KALRN: variants seen among roughly 807,000 people sequenced by gnomAD.
KALRN encodes kalirin RhoGEF kinase.
KALRN carries 70 observed loss-of-function variants against 353.7 expected under a neutral mutation model. The ratio of observed to expected loss-of-function variants is 0.20; its 90% CI spans 0.16 to 0.24. KALRN has a LOEUF of 0.24. Among genes scored for constraint, KALRN ranks in the 10% least tolerant of loss-of-function variants. KALRN has a pLI of 1.00. For missense variants in KALRN, 2,791 were observed against 3,756.7 expected, an observed-to-expected ratio of 0.74 and a Z score of 6.72; for synonymous variants, 1,391 against 1,434.8, an observed-to-expected ratio of 0.97 and a Z score of 0.69.
chr3:124,336,814 C>G (rs1206449462), intron 9 of KALRN, among the ~76,000 whole-genome samples: 3 of 152,062 alleles, frequency 2.0e-5, no homozygotes, highest in African/African-American at 7.2e-5. Flanking sequence ...CTTTTATTTC[C>G]TTCTGCAGTG....
intron 10 of KALRN, among the ~76,000 whole-genome samples, chr3:124,384,290 C>T (rs1168097239): frequency 6.6e-6 from 1 of 152,158 alleles, no homozygotes; most frequent in African/African-American, 2.4e-5. Flanking sequence ...TGCATCTCCT[C>T]CCTCTGGCTG....
intron 21 of KALRN, among the ~76,000 whole-genome samples, chr3:124,451,669 T>C (rs1433018071): frequency 2.0e-5 from 3 of 152,174 alleles, no homozygotes; most frequent in Admixed American, 2.0e-4. Flanking sequence ...GCGATGTGTC[T>C]GAACCTCCCA....
At chr3:124,506,061 C>G (rs644276) in intron 33 of KALRN, among the ~76,000 whole-genome samples, 70,252 of 151,942 alleles carry the variant, frequency 0.46, 17,129 homozygotes, top group East Asian at 0.62. Context: ...TGCTAAAAAG[C>G]CGGCTTTGTC....
chr3:124,381,661 C>G (rs556824134), intron 10 of KALRN, among the ~76,000 whole-genome samples: 12 of 152,096 alleles, frequency 7.9e-5, no homozygotes, highest in Non-Finnish European at 1.6e-4. Context: ...TTTTGCCACT[C>G]TCCAATTTTA....
chr3:124,122,184 T>C (rs1318147449), intron 1 of KALRN, among the ~76,000 whole-genome samples: 1 of 152,168 alleles, frequency 6.6e-6, no homozygotes, highest in Non-Finnish European at 1.5e-5. Flanking sequence ...AGATAGTTGC[T>C]TTCTGGGCAG....
intron 13 of KALRN, among the ~76,000 whole-genome samples, chr3:124,404,199 G>T (rs2091242054): frequency 6.7e-6 from 1 of 148,256 alleles, no homozygotes; most frequent in African/African-American, 2.5e-5. Context: ...CTCTTATTTG[G>T]GAGCCTTAAA....
At chr3:124,147,822 T>C (rs554746022) in intron 1 of KALRN, among the ~76,000 whole-genome samples, 41 of 152,344 alleles carry the variant, frequency 2.7e-4, no homozygotes, top group African/African-American at 9.9e-4. Context: ...TGTGAGCTTT[T>C]TGCATATAGA....
At chr3:124,362,560 CT>C (rs1380187490) in intron 10 of KALRN, among the ~76,000 whole-genome samples, 3 of 152,250 alleles carry the variant, frequency 2.0e-5, no homozygotes, top group Non-Finnish European at 4.4e-5. Context: ...TGCAGCTGTC[CT>C]GCTGCAATCT....
At chr3:124,693,852 A>C in intron 52 of KALRN, 21 bp downstream of exon 52, 1 of 1,535,428 alleles carries the variant, frequency 6.5e-7, no homozygotes, top group Non-Finnish European at 8.9e-7. Flanking sequence ...AAGCATTAGA[A>C]TTGGAAACAT....
At chr3:124,324,024 C>G (rs1044553337) in intron 6 of KALRN, among the ~76,000 whole-genome samples, 4 of 152,188 alleles carry the variant, frequency 2.6e-5, no homozygotes, top group Non-Finnish European at 5.9e-5. Flanking sequence ...GGACCTTCAA[C>G]CAAAGATCAA....
At chr3:124,468,827 A>T (rs549909224) in intron 25 of KALRN, among the ~76,000 whole-genome samples, 1 of 152,220 alleles carries the variant, frequency 6.6e-6, no homozygotes, top group African/African-American at 2.4e-5. Flanking sequence ...TGAAGAGGTA[A>T]CTTGCAGAAC....
chr3:124,416,609 G>A (rs1439266597), intron 14 of KALRN, among the ~76,000 whole-genome samples: 1 of 152,250 alleles, frequency 6.6e-6, no homozygotes, highest in Non-Finnish European at 1.5e-5. Flanking sequence ...TGAATGCCTG[G>A]TTCTGCAGGG....
At chr3:124,189,076 T>A (rs1403657059) in intron 1 of KALRN, among the ~76,000 whole-genome samples, 1 of 152,170 alleles carries the variant, frequency 6.6e-6, no homozygotes, top group Admixed American at 6.5e-5. Flanking sequence ...ATCTCTGTCT[T>A]CCAAGTCTGT....
intron 33 of KALRN, among the ~76,000 whole-genome samples, chr3:124,521,886 T>C (rs1355292566): frequency 6.6e-6 from 1 of 152,134 alleles, no homozygotes; most frequent in East Asian, 1.9e-4. Context: ...AACAAATATA[T>C]ACTGAGTGCC....
chr3:124,488,125 TA>T, intron 28 of KALRN, 78 bp from the exon 29 acceptor site: 1 of 833,788 alleles, frequency 1.2e-6, no homozygotes, highest in South Asian at 1.5e-5. Flanking sequence ...AGCTGGTCTA[TA>T]ATTTCCTTGC....
intron 53 of KALRN, 116 bp downstream of exon 53, chr3:124,694,619 G>T: frequency 2.1e-6 from 2 of 975,516 alleles, no homozygotes; most frequent in South Asian, 1.6e-5. Context: ...GAGAATAGCT[G>T]CCCTGGAGCC....
chr3:124,090,205 G>A (rs1439184168), intron 1 of KALRN, among the ~76,000 whole-genome samples: 2 of 152,094 alleles, frequency 1.3e-5, no homozygotes, highest in Non-Finnish European at 2.9e-5. Context: ...CAGAGAAGGG[G>A]TAGGGAGGGA....
At chr3:124,050,636 A>T (rs1286207173) in intron 1 of KALRN, among the ~76,000 whole-genome samples, 2 of 152,154 alleles carry the variant, frequency 1.3e-5, no homozygotes, top group African/African-American at 2.4e-5. Flanking sequence ...CTGGTATCCG[A>T]TCTAGACTGA....
At chr3:124,538,274 GTGTA>G (rs1357272986) in intron 33 of KALRN, among the ~76,000 whole-genome samples, 1 of 151,896 alleles carries the variant, frequency 6.6e-6, no homozygotes, top group Non-Finnish European at 1.5e-5. Context: ...GTGTGTGTGT[GTGTA>G]TGTATGTGTG....
Sources: allele counts gnomAD v4.1 joint callset (sites outside exome capture counted in the v4.1 genomes callset), GRCh38; gene constraint gnomAD v4.1.1; transcripts MANE v1.5; gene names NCBI Gene and HGNC (gene_info 2026-07-23, HGNC 2026-07-21).